The following SLC38A6 variants were observed in gnomAD, a reference collection of about 807,000 sequenced individuals.
SLC38A6 encodes solute carrier family 38 member 6, also known as N system amino acid transporter NAT-1.
SLC38A6 carries 73 observed loss-of-function variants against 65.0 expected under a neutral mutation model. That is an observed-to-expected ratio of 1.12 (90% CI 0.93 to 1.37). The LOEUF is 1.37. Among genes scored for constraint, SLC38A6 ranks in the 40% most tolerant of loss-of-function variants. The probability of loss-of-function intolerance (pLI) is 0.00; values close to 1 mark genes in which losing one functional copy is unlikely to be tolerated. For synonymous variants in SLC38A6, 183 were observed against 178.8 expected, an observed-to-expected ratio of 1.02 and a Z score of -0.19; for missense variants, 561 against 531.1, an observed-to-expected ratio of 1.06 and a Z score of -0.55.
intron 3 of SLC38A6, among the ~76,000 whole-genome samples, chr14:60,990,815 G>T (rs2037821336): frequency 6.6e-6 from 1 of 151,918 alleles, no homozygotes; most frequent in African/African-American, 2.4e-5. Context: ...TGAGCAGCTG[G>T]TACTACAGGC....
At chr14:61,038,303 T>G (rs1005024430) in intron 8 of SLC38A6, among the ~76,000 whole-genome samples, 21 of 152,082 alleles carry the variant, frequency 1.4e-4, no homozygotes, top group African/African-American at 4.8e-4. Flanking sequence ...TAAAATAATA[T>G]AAAGATAAGA....
At chr14:61,010,859 A>G (rs2039507428) in intron 3 of SLC38A6, among the ~76,000 whole-genome samples, 2 of 152,096 alleles carry the variant, frequency 1.3e-5, no homozygotes, top group Admixed American at 1.3e-4. Context: ...TTGATTTGGC[A>G]ATGCGGGCTC....
At chr14:61,043,693 C>CTTTT (rs34559752) in intron 10 of SLC38A6, among the ~76,000 whole-genome samples, 190 bp downstream of exon 10, 3 of 107,318 alleles carry the variant, frequency 2.8e-5, no homozygotes, top group Non-Finnish European at 3.8e-5. Context: ...AAACAGCCAC[C>CTTTT]TTTTTTTTTT....
At position 61,051,769 on chromosome 14, in the gene SLC38A6, T is replaced by C. The variant is rs1193622607; in HGVS notation, c.1051-18T>C. ...TGACATTTCCTCTTCGCTATATGTT[T>C]ATTTTTCTGTAATACAGGCCAGAAA... On this transcript the variant is annotated intron_variant, in intron 13 of 15. Transcript: ENST00000267488. The C allele has an allele frequency of 1.2e-6, 2 of 1,609,416 alleles. No homozygotes were observed. Among genetic ancestry groups the C allele is most frequent in the Admixed American group, 1.7e-5 (1 of 59,710 alleles).
chr14:60,999,609 A>G (rs2038558427), intron 3 of SLC38A6, among the ~76,000 whole-genome samples: 3 of 152,242 alleles, frequency 2.0e-5, no homozygotes, highest in Admixed American at 2.0e-4. Context: ...GTTACCTTAT[A>G]TGGCAAAAAA....
intron 3 of SLC38A6, chr14:61,004,559 C>T (rs1299635988): frequency 2.0e-5 from 3 of 152,166 alleles, no homozygotes; most frequent in Non-Finnish European, 4.4e-5. Flanking sequence ...CTACAAACAC[C>T]TCTACGCAAA....
chr14:61,055,190 A>G (rs1594763287), downstream of SLC38A6, among the ~76,000 whole-genome samples: 2 of 83,284 alleles, frequency 2.4e-5, no homozygotes, highest in African/African-American at 9.2e-5. Context: ...ATATGTATAC[A>G]TGTGCCATGC....
At chr14:61,035,151 A>G (rs75999272) in intron 6 of SLC38A6, among the ~76,000 whole-genome samples, 3,170 of 152,286 alleles carry the variant, frequency 0.021, 117 homozygotes, top group African/African-American at 0.073. Context: ...CCATTTTTGC[A>G]TAAGTTTTAC....
intron 2 of SLC38A6, among the ~76,000 whole-genome samples, chr14:60,982,891 G>A (rs2037167995): frequency 6.6e-6 from 1 of 152,170 alleles, no homozygotes; most frequent in Non-Finnish European, 1.5e-5. Context: ...AATGAAATAT[G>A]ACACTTAAGA....
intron 12 of SLC38A6, chr14:61,048,139 T>A (rs1172445491): frequency 2.2e-6 from 1 of 454,578 alleles, no homozygotes; most frequent in African/African-American, 2.0e-5. Context: ...TTTGATCATA[T>A]CTTTCTACCA....
At chr14:61,015,791 TG>T in intron 3 of SLC38A6, 112 bp from the exon 4 acceptor site, 1 of 691,292 alleles carries the variant, frequency 1.4e-6, no homozygotes, top group Non-Finnish European at 2.2e-6. Flanking sequence ...CTGATTGGCC[TG>T]GATCATAAGA....
At chr14:61,045,990 G>T in intron 11 of SLC38A6, 77 bp from the exon 12 acceptor site, 2 of 797,324 alleles carry the variant, frequency 2.5e-6, no homozygotes, top group South Asian at 2.0e-5. Flanking sequence ...GAATTCTCTC[G>T]ACCAGCTTAG....
At chr14:60,985,262 T>A (rs765737718) in intron 3 of SLC38A6, among the ~76,000 whole-genome samples, 1 of 152,176 alleles carries the variant, frequency 6.6e-6, no homozygotes, top group Non-Finnish European at 1.5e-5. Context: ...TTAGACACAT[T>A]TTGTATTTTT....
chr14:61,012,349 GA>G (rs538714198), intron 3 of SLC38A6, among the ~76,000 whole-genome samples: 1,818 of 152,186 alleles, frequency 0.012, 14 homozygotes, highest in Non-Finnish European at 0.018. Flanking sequence ...TGGATTCATT[GA>G]TTTTTTTGCA....
At chr14:61,082,161 C>T (rs969913020) in intron 16 of SLC38A6, among the ~76,000 whole-genome samples, 9 of 152,212 alleles carry the variant, frequency 5.9e-5, no homozygotes, top group South Asian at 4.2e-4. Context: ...TTAGCACCCC[C>T]GCACCACCCT....
intron 16 of SLC38A6, among the ~76,000 whole-genome samples, chr14:61,083,135 A>G (rs2043721891): frequency 6.6e-6 from 1 of 152,162 alleles, no homozygotes; most frequent in South Asian, 2.1e-4. Context: ...GACTGTAGCA[A>G]TGGATTCCCT....
downstream of SLC38A6, chr14:61,052,964 T>C (rs1385450794): frequency 6.6e-6 from 1 of 152,632 alleles, no homozygotes; most frequent in Admixed American, 6.6e-5. Context: ...GAATTTGTTA[T>C]ACAGATTATT....
At chr14:61,000,540 A>G (rs532517356) in intron 3 of SLC38A6, among the ~76,000 whole-genome samples, 1 of 152,310 alleles carries the variant, frequency 6.6e-6, no homozygotes, top group African/African-American at 2.4e-5. Flanking sequence ...CCGAGTCAGG[A>G]GAATCGCTTG....
chr14:61,077,697 T>G (rs2043471377), intron 15 of SLC38A6, among the ~76,000 whole-genome samples: 1 of 152,118 alleles, frequency 6.6e-6, no homozygotes, highest in Non-Finnish European at 1.5e-5. Flanking sequence ...TCTCAATTTA[T>G]TAGCTCATGA....
Sources: gnomAD v4.1 joint callset for allele counts (sites outside exome capture counted in the v4.1 genomes callset) on GRCh38, gnomAD v4.1.1 for gene constraint, MANE v1.5 for transcripts, NCBI Gene and HGNC (gene_info 2026-07-23, HGNC 2026-07-21) for gene names.